Variants in NTM observed in about 807,000 individuals in gnomAD.
NTM encodes the protein neurotrimin, also known as IgLON family member 2.
NTM carries 13 observed loss-of-function variants against 42.1 expected under a neutral mutation model. That is an observed-to-expected ratio of 0.31 (90% CI 0.20 to 0.49). NTM has a LOEUF of 0.49. NTM is among the 20% of genes least tolerant of loss of function. NTM has a pLI of 0.99. For missense variants in NTM, 373 were observed against 452.8 expected, an observed-to-expected ratio of 0.82 and a Z score of 1.60; for synonymous variants, 187 against 179.2, an observed-to-expected ratio of 1.04 and a Z score of -0.35.
intron 2 of NTM, among the ~76,000 whole-genome samples, chr11:132,076,722 C>T (rs1156940796): frequency 6.6e-6 from 1 of 152,138 alleles, no homozygotes; most frequent in Non-Finnish European, 1.5e-5. Flanking sequence ...AGGAATCTCT[C>T]AACCTCATTT....
intron 7 of NTM, among the ~76,000 whole-genome samples, chr11:132,323,649 A>T (rs1020036128): frequency 2.0e-5 from 3 of 152,172 alleles, no homozygotes; most frequent in Non-Finnish European, 2.9e-5. Flanking sequence ...CAATAGAAAA[A>T]GAGGGAATCC....
chr11:132,060,211 CT>C (rs1264661393), intron 2 of NTM, among the ~76,000 whole-genome samples: 1 of 152,190 alleles, frequency 6.6e-6, no homozygotes, highest in African/African-American at 2.4e-5. Flanking sequence ...CATCCACCCC[CT>C]GGGCTTCGTT....
chr11:132,141,733 G>A (rs2069198145), intron 2 of NTM, among the ~76,000 whole-genome samples: 1 of 152,252 alleles, frequency 6.6e-6, no homozygotes, highest in Non-Finnish European at 1.5e-5. Context: ...GACACACACA[G>A]ACTAAGAAGG....
At chr11:131,765,564 T>A (rs1263543711) in intron 1 of NTM, among the ~76,000 whole-genome samples, 1 of 152,246 alleles carries the variant, frequency 6.6e-6, no homozygotes, top group Non-Finnish European at 1.5e-5. Context: ...CCTGTATTCA[T>A]TAGTACATGT....
At chr11:131,828,863 A>T (rs1344905604) in intron 1 of NTM, among the ~76,000 whole-genome samples, 2 of 152,142 alleles carry the variant, frequency 1.3e-5, no homozygotes, top group East Asian at 3.9e-4. Context: ...AGTGCAATTG[A>T]TCATAAGAAA....
chr11:132,159,326 T>C (rs879714543), intron 3 of NTM, among the ~76,000 whole-genome samples: 3 of 152,208 alleles, frequency 2.0e-5, no homozygotes, highest in Non-Finnish European at 4.4e-5. Flanking sequence ...GAGACGCGTT[T>C]ATTCTCCATG....
intron 1 of NTM, among the ~76,000 whole-genome samples, chr11:131,386,483 G>C (rs1943330374): frequency 6.6e-6 from 1 of 152,222 alleles, no homozygotes; most frequent in African/African-American, 2.4e-5. Flanking sequence ...TACTAGAATA[G>C]ACAAATGAAA....
At chr11:131,892,625 T>C (rs1193351649) in intron 1 of NTM, among the ~76,000 whole-genome samples, 1 of 152,248 alleles carries the variant, frequency 6.6e-6, no homozygotes, top group African/African-American at 2.4e-5. Context: ...GGCCACATGC[T>C]GCCCTCTTGT....
At chr11:131,458,158 G>A (rs1434385550) in intron 1 of NTM, among the ~76,000 whole-genome samples, 4 of 152,222 alleles carry the variant, frequency 2.6e-5, no homozygotes, top group Non-Finnish European at 5.9e-5. Context: ...AGAAGGAAGA[G>A]CCTGGAGGCA....
intron 1 of NTM, among the ~76,000 whole-genome samples, chr11:131,825,841 G>T (rs539758378): frequency 3.2e-4 from 48 of 152,256 alleles, no homozygotes; most frequent in African/African-American, 1.2e-3. Context: ...AGAAAAATAT[G>T]AATTCAGTCT....
chr11:132,265,724 C>A (rs1212331841), intron 4 of NTM, among the ~76,000 whole-genome samples: 1 of 152,174 alleles, frequency 6.6e-6, no homozygotes, highest in Non-Finnish European at 1.5e-5. Flanking sequence ...GGCATGCAGT[C>A]GTTGTGCATC....
chr11:132,070,842 C>T (rs554149608), intron 2 of NTM, among the ~76,000 whole-genome samples: 7 of 142,478 alleles, frequency 4.9e-5, no homozygotes, highest in African/African-American at 1.0e-4. Flanking sequence ...CAAGTTAACA[C>T]GTCACACTGA....
At chr11:131,607,173 CA>C (rs1340777616) in intron 1 of NTM, among the ~76,000 whole-genome samples, 1 of 152,046 alleles carries the variant, frequency 6.6e-6, no homozygotes, top group Non-Finnish European at 1.5e-5. Flanking sequence ...CAGGAGCTGG[CA>C]AAAAAGACAC....
At chr11:131,382,740 C>A (rs772070163) in intron 1 of NTM, among the ~76,000 whole-genome samples, 1 of 152,172 alleles carries the variant, frequency 6.6e-6, no homozygotes, top group Admixed American at 6.5e-5. Context: ...CACTAATCAT[C>A]CTGATCATTA....
chr11:131,502,741 C>T (rs1445165894), intron 1 of NTM: 1 of 152,142 alleles, frequency 6.6e-6, no homozygotes, highest in Admixed American at 6.5e-5. Flanking sequence ...AGGACTTTTG[C>T]CTCCCTTGTT....
At chr11:132,035,529 A>AG (rs2076404397) in intron 2 of NTM, among the ~76,000 whole-genome samples, 1 of 152,234 alleles carries the variant, frequency 6.6e-6, no homozygotes, top group South Asian at 2.1e-4. Flanking sequence ...TATTCTTCCC[A>AG]GTATTAAAAT....
intron 3 of NTM, among the ~76,000 whole-genome samples, chr11:132,197,805 A>C (rs953638363): frequency 1.3e-5 from 2 of 152,004 alleles, no homozygotes. Context: ...AGCTTCATCC[A>C]TGTCCCTACA....
At chr11:131,834,394 T>C (rs1161860831) in intron 1 of NTM, among the ~76,000 whole-genome samples, 1 of 152,052 alleles carries the variant, frequency 6.6e-6, no homozygotes, top group African/African-American at 2.4e-5. Flanking sequence ...ATTTATCCTT[T>C]ACTCAGTCAA....
chr11:132,069,602 A>G (rs2057126689), intron 2 of NTM, among the ~76,000 whole-genome samples: 1 of 151,362 alleles, frequency 6.6e-6, no homozygotes, highest in Admixed American at 6.6e-5. Flanking sequence ...TCACACAGAC[A>G]AGTTAACACA....
Sources: gnomAD v4.1 joint callset for allele counts (sites outside exome capture counted in the v4.1 genomes callset) on GRCh38, gnomAD v4.1.1 for gene constraint, MANE v1.5 for transcripts, NCBI Gene and HGNC (gene_info 2026-07-23, HGNC 2026-07-21) for gene names.